The following SORCS1 variants were observed in gnomAD, a reference collection of about 807,000 sequenced individuals.
The protein encoded by SORCS1 is VPS10 domain-containing receptor SorCS1.
In SORCS1, 60 loss-of-function variants were observed where a neutral mutation model predicts 146.1. The observed-to-expected ratio is 0.41, with a 90% CI of 0.33 to 0.51. The LOEUF (loss-of-function observed/expected upper bound fraction) is 0.51. Among genes scored for constraint, SORCS1 ranks in the 20% least tolerant of loss-of-function variants. SORCS1 has a pLI of 0.21. For synonymous variants in SORCS1, 637 were observed against 584.0 expected (o/e 1.09, Z -1.31); for missense variants, 1,352 against 1,487.6 (o/e 0.91, Z 1.50).
intron 1 of SORCS1, among the ~76,000 whole-genome samples, chr10:107,157,856 T>C (rs1369589054): frequency 1.3e-5 from 2 of 152,196 alleles, no homozygotes; most frequent in Admixed American, 1.3e-4. Flanking sequence ...ACATCTCTTC[T>C]CTGCCATCCC....
At chr10:106,750,825 C>T (rs1456262553) in intron 5 of SORCS1, among the ~76,000 whole-genome samples, 5 of 145,628 alleles carry the variant, frequency 3.4e-5, no homozygotes, top group Middle Eastern at 3.9e-3. Context: ...TTTGGGAGGC[C>T]GAGGCGGGCG....
chr10:106,607,419 G>T, intron 22 of SORCS1, 122 bp from the exon 23 acceptor site: 1 of 1,318,170 alleles, frequency 7.6e-7, no homozygotes, highest in Non-Finnish European at 1.0e-6. Context: ...GAAAGCAGAG[G>T]CCTGGGCATA....
rs904448013 is a variant in SORCS1, at chr10:106,960,224, TG to T, written c.559-3645del. Among the ~76,000 whole-genome samples the T allele has an allele frequency of 1.3e-5, 2 of 152,182 alleles. No homozygotes were observed. Among genetic ancestry groups the T allele is most frequent in the Non-Finnish European group, 2.9e-5 (2 of 68,024 alleles). On this transcript the variant is annotated intron_variant, in intron 1 of 25. Transcript: ENST00000263054. The surrounding 1 kb of genome is among the most constrained non-coding windows in gnomAD (Gnocchi z 4.4). ...TCCACCTATGCCATACCAGGACCTC[TG>T]CATCCAGTTATTTCTGGGATTTCCA...
intron 1 of SORCS1, among the ~76,000 whole-genome samples, chr10:106,981,279 TTGTC>T (rs1405011951): frequency 5.3e-5 from 8 of 152,208 alleles, no homozygotes; most frequent in Admixed American, 5.2e-4. Flanking sequence ...TTTGTGGTAA[TTGTC>T]TGCCACCAGG....
At position 107,068,864 on chromosome 10, in the gene SORCS1, C is replaced by T. The variant is rs552989646; in HGVS notation, c.558+95105G>A. On this transcript the variant is annotated intron_variant, in intron 1 of 25. Coordinates refer to ENST00000263054, the MANE Select transcript of SORCS1 (RefSeq NM_052918.5). Reference sequence around the variant, plus strand: ...CAGCCTGGGCAACAGAGCGAGACTCCGTCTCAAAAAAAAAAAAAAAAGGAA... The same window carrying T: ...CAGCCTGGGCAACAGAGCGAGACTCTGTCTCAAAAAAAAAAAAAAAAGGAA... 1.1e-3 allele frequency among the ~76,000 whole-genome samples: 118 copies of T among 109,656 alleles called. 1 individual carries two copies. Among genetic ancestry groups the T allele is most frequent in the African/African-American group, 4.8e-3 (115 of 23,854 alleles). 71.9% of individuals were successfully genotyped at this position (109,656 alleles called of 152,430 possible). A position where few individuals can be genotyped will look rare whatever the true frequency, so the allele number is the denominator to read the frequency against.
rs1406799682 is a variant in SORCS1, at chr10:106,579,014, A to C, written c.3371+355T>G. On this transcript the variant is annotated intron_variant, in intron 25 of 25. Transcript: ENST00000263054. ...AGAGCAAAAGAAAGTGGTTATGTCA[A>C]GCCAGAAAGGGGTTAGAGAGAGAGT... 6 of 1,555,874 alleles carry C rather than the reference A, an allele frequency of 3.9e-6. No individual in the cohort carries two copies. In the East Asian group the frequency reaches 1.4e-4, roughly 35 times the overall value.
intron 1 of SORCS1, among the ~76,000 whole-genome samples, chr10:107,070,319 C>G (rs899247536): frequency 1.2e-4 from 19 of 152,008 alleles, no homozygotes; most frequent in Non-Finnish European, 5.9e-5. Flanking sequence ...GTGTACATAG[C>G]TAGGAGTAAA....
intron 1 of SORCS1, among the ~76,000 whole-genome samples, chr10:107,150,957 A>G (rs560854974): frequency 6.6e-6 from 1 of 152,348 alleles, no homozygotes; most frequent in South Asian, 2.1e-4. Context: ...CTTTATTAGC[A>G]GCATGAGAAT....
chr10:106,811,365 A>T (rs991548416), intron 3 of SORCS1, among the ~76,000 whole-genome samples: 3 of 152,206 alleles, frequency 2.0e-5, no homozygotes, highest in African/African-American at 7.2e-5. Flanking sequence ...TTTCACTGAA[A>T]AATAATGCCT....
intron 2 of SORCS1, among the ~76,000 whole-genome samples, chr10:106,918,027 G>A (rs1952527845): frequency 6.6e-6 from 1 of 151,870 alleles, no homozygotes; most frequent in African/African-American, 2.4e-5. Flanking sequence ...TCCTGAACTC[G>A]CCAATTAAGT....
intron 1 of SORCS1, among the ~76,000 whole-genome samples, chr10:106,962,825 A>G (rs1319216489): frequency 6.6e-6 from 1 of 152,150 alleles, no homozygotes; most frequent in Non-Finnish European, 1.5e-5. Flanking sequence ...GAACAACCAT[A>G]TTGAAGATGC....
intron 19 of SORCS1, among the ~76,000 whole-genome samples, chr10:106,628,597 G>T (rs933351199): frequency 1.3e-5 from 2 of 152,170 alleles, no homozygotes; most frequent in African/African-American, 4.8e-5. Flanking sequence ...TGAGGGAAAA[G>T]CTTTAGCATT....
At chr10:106,731,292 CAAAAAAAAA>C (rs57238882) in intron 5 of SORCS1, among the ~76,000 whole-genome samples, 1 of 23,762 alleles carries the variant, frequency 4.2e-5, no homozygotes, top group Non-Finnish European at 9.0e-5. Flanking sequence ...GACTCCGTCT[CAAAAAAAAA>C]AAAAAAAAAA....
chr10:106,963,168 T>C (rs1275822808), intron 1 of SORCS1, among the ~76,000 whole-genome samples: 1 of 129,406 alleles, frequency 7.7e-6, no homozygotes, highest in African/African-American at 2.8e-5. Flanking sequence ...CAGGCTGGAG[T>C]GCAGTGGCAC....
chr10:106,849,968 A>G (rs1949481749), intron 2 of SORCS1, among the ~76,000 whole-genome samples: 1 of 152,128 alleles, frequency 6.6e-6, no homozygotes, highest in African/African-American at 2.4e-5. Context: ...TGCGTGCTGG[A>G]AGAACCACTG....
rs1298375325 is a variant in SORCS1, at chr10:106,806,072, AAG to A, written c.726+23500_726+23501del. 1.6e-4 allele frequency among the ~76,000 whole-genome samples: 22 copies of A among 137,656 alleles called. 2 individuals are homozygous for A. Among genetic ancestry groups the A allele is most frequent in the African/African-American group, 5.5e-4 (20 of 36,494 alleles). The allele number at this position is 137,656 out of a possible 152,430, so 90.3% of individuals were successfully genotyped here. A position where few individuals can be genotyped will look rare whatever the true frequency, so the allele number is the denominator to read the frequency against. On this transcript the variant is annotated intron_variant, in intron 3 of 25. Transcript: ENST00000263054. ...TAGACTCCGTCTCAAAAAAAAAAAA[AAG>A]AAATCATGGAGTAGGCCGGGCACGG...
At chr10:106,987,387 C>G (rs754172632) in intron 1 of SORCS1, among the ~76,000 whole-genome samples, 2 of 152,186 alleles carry the variant, frequency 1.3e-5, no homozygotes, top group Non-Finnish European at 2.9e-5. Flanking sequence ...TAGTTTCTAC[C>G]TGCTCCTTAG....
At chr10:106,828,064 A>G (rs1948376015) in intron 3 of SORCS1, among the ~76,000 whole-genome samples, 2 of 152,192 alleles carry the variant, frequency 1.3e-5, no homozygotes, top group Non-Finnish European at 1.5e-5. Context: ...TGAAATGCCT[A>G]ATTTCATATA....
In SORCS1 at chr10:107,060,577, T is replaced by G. The variant is rs1961099892; in HGVS notation, c.558+103392A>C. On this transcript the variant is annotated intron_variant, in intron 1 of 25. Transcript: ENST00000263054. This position sits in a 1 kb window ranked among gnomAD's most constrained non-coding sequence, Gnocchi z 4.1. ...TCAAGGACCTTCCTTGGGATCAAAG[T>G]CATTTTTCTGTGCTCAGGAAAAGGA... Among the ~76,000 whole-genome samples the G allele has an allele frequency of 6.6e-6, 1 of 152,164 alleles. No individual in the cohort carries two copies. The highest frequency in any genetic ancestry group is 1.5e-5 in the Non-Finnish European group (1 of 68,026).
Sources: allele counts gnomAD v4.1 joint callset (sites outside exome capture counted in the v4.1 genomes callset), GRCh38; gene constraint gnomAD v4.1.1; non-coding constraint Gnocchi (gnomAD v3.1); transcripts MANE v1.5; gene names NCBI Gene and HGNC (gene_info 2026-07-23, HGNC 2026-07-21).